Variants in KDM2A observed in about 807,000 individuals in gnomAD.
KDM2A encodes the protein lysine demethylase 2A.
Under a neutral mutation model 137.3 loss-of-function variants are expected in KDM2A, and 3 were observed. That is an observed-to-expected ratio of 0.02 (90% CI 0.01 to 0.06). KDM2A has a LOEUF of 0.06. Among genes scored for constraint, KDM2A ranks in the 10% least tolerant of loss-of-function variants. The probability of loss-of-function intolerance (pLI) is 1.00; values close to 1 mark genes in which losing one functional copy is unlikely to be tolerated. For synonymous variants in KDM2A, 512 were observed against 541.5 expected (o/e 0.95, Z 0.76); for missense variants, 738 against 1,510.6 (o/e 0.49, Z 8.48).
chr11:67,161,906 C>T (rs1425324266), intron 2 of KDM2A, among the ~76,000 whole-genome samples: 1 of 151,966 alleles, frequency 6.6e-6, no homozygotes, highest in African/African-American at 2.4e-5. Flanking sequence ...CTAGAGTTTC[C>T]TAAGGTAGTA....
At chr11:67,211,772 A>C (rs1324474222) in intron 6 of KDM2A, among the ~76,000 whole-genome samples, 2 of 151,910 alleles carry the variant, frequency 1.3e-5, no homozygotes, top group African/African-American at 4.8e-5. Context: ...TTATATCCTC[A>C]AGTTCTAACC....
rs1287281795 is a variant in KDM2A, at chr11:67,238,787, TA to T, written c.1480-4218del. On this transcript the variant is annotated intron_variant, in intron 12 of 20. Transcript: ENST00000529006. ...GGCAAGTTATACATTTGTAAGGGTC[TA>T]AAAGTCACATAAAAATCACATTGGC... 2.0e-5 allele frequency among the ~76,000 whole-genome samples: 3 copies of T among 152,348 alleles called. No individual in the cohort carries two copies. In the East Asian group the frequency reaches 5.8e-4, roughly 29 times the overall value.
chr11:67,148,806 A>G (rs993358895), intron 2 of KDM2A, among the ~76,000 whole-genome samples: 1 of 152,154 alleles, frequency 6.6e-6, no homozygotes, highest in Non-Finnish European at 1.5e-5. Context: ...CGTCTCAAAA[A>G]CAAAACAAGA....
At chr11:67,134,517 CT>C (rs910094417) in intron 2 of KDM2A, among the ~76,000 whole-genome samples, 3 of 151,378 alleles carry the variant, frequency 2.0e-5, no homozygotes, top group Non-Finnish European at 3.0e-5. Context: ...TATTTATTTA[CT>C]TTTTTTTTGA....
At chr11:67,233,284 C>T (rs1017842011) in intron 12 of KDM2A, among the ~76,000 whole-genome samples, 3 of 149,026 alleles carry the variant, frequency 2.0e-5, no homozygotes. Flanking sequence ...TTTGAGAGGC[C>T]AAGGTGGGAG....
intron 2 of KDM2A, among the ~76,000 whole-genome samples, chr11:67,141,657 A>G (rs1365605685): frequency 1.8e-5 from 2 of 110,694 alleles, no homozygotes; most frequent in African/African-American, 3.8e-5. Flanking sequence ...ACAGAATGAG[A>G]CTCGTTCCAA....
At chr11:67,199,716 C>T (rs1237941594) in intron 5 of KDM2A, among the ~76,000 whole-genome samples, 1 of 152,222 alleles carries the variant, frequency 6.6e-6, no homozygotes, top group Non-Finnish European at 1.5e-5. Context: ...CAAGGTAAAG[C>T]AGCAGCACAT....
intron 15 of KDM2A, among the ~76,000 whole-genome samples, chr11:67,247,037 TTATATATATATATATA>T (rs59101290): frequency 0.017 from 546 of 33,072 alleles, 14 homozygotes; most frequent in African/African-American, 0.055. Context: ...ATAAATTATT[TTATATATATATATATA>T]TATATATATA....
intron 2 of KDM2A, among the ~76,000 whole-genome samples, chr11:67,156,763 C>T (rs576193971): frequency 6.6e-6 from 1 of 151,662 alleles, no homozygotes; most frequent in Non-Finnish European, 1.5e-5. Context: ...GTGGCATGTG[C>T]CTGTAATCCC....
At chr11:67,225,279 A>G (rs1161238164) in intron 10 of KDM2A, among the ~76,000 whole-genome samples, 1 of 152,240 alleles carries the variant, frequency 6.6e-6, no homozygotes, top group East Asian at 1.9e-4. Context: ...TACAAAATAT[A>G]GTTATTCTTG....
chr11:67,173,113 TTTTG>T lies in KDM2A; in HGVS notation c.43-6946_43-6943del, dbSNP rs987443543. ...CTTAGGAGATCCTCCCACCTCAGTT[TTTTG>T]TTTGTTTGTTTGTTTGTTTTTCTTT... On this transcript the variant is annotated intron_variant, in intron 2 of 20. Coordinates refer to ENST00000529006, the MANE Select transcript of KDM2A (RefSeq NM_012308.3). Among the ~76,000 whole-genome samples, 38 of 151,870 alleles carry T rather than the reference TTTTG, an allele frequency of 2.5e-4. 1 individual carries two copies. Among genetic ancestry groups the T allele is most frequent in the East Asian group, 2.3e-3 (12 of 5,162 alleles).
At chr11:67,239,987 C>T (rs1420353211) in intron 12 of KDM2A, 6 of 1,180,440 alleles carry the variant, frequency 5.1e-6, no homozygotes, top group African/African-American at 1.6e-5. Flanking sequence ...TGCAGCAGAA[C>T]GGCTGGGCCC....
At chr11:67,145,988 G>GTTTTTTTTTGTTT (rs1856237737) in intron 2 of KDM2A, among the ~76,000 whole-genome samples, 2 of 131,470 alleles carry the variant, frequency 1.5e-5, no homozygotes, top group Non-Finnish European at 3.3e-5. Flanking sequence ...TTTTTGTTTT[G>GTTTTTTTTTGTTT]TTTTTTTTTG....
intron 12 of KDM2A, among the ~76,000 whole-genome samples, chr11:67,242,274 G>A (rs1264810083): frequency 7.2e-5 from 5 of 69,850 alleles, no homozygotes; most frequent in African/African-American, 3.7e-4. Flanking sequence ...CTGTGGGTGT[G>A]TGTATGTGTG....
chr11:67,204,209 A>G (rs756608567), intron 5 of KDM2A, among the ~76,000 whole-genome samples: 3 of 152,132 alleles, frequency 2.0e-5, no homozygotes, highest in African/African-American at 4.8e-5. Flanking sequence ...TTCTTTTTGC[A>G]TAGAACATTT....
chr11:67,208,263 G>A (rs1258472917), intron 6 of KDM2A, among the ~76,000 whole-genome samples: 1 of 150,808 alleles, frequency 6.6e-6, no homozygotes, highest in East Asian at 1.9e-4. Context: ...TTTAAAGACA[G>A]GGTCTCACAA....
At chr11:67,149,650 T>C (rs982023041) in intron 2 of KDM2A, among the ~76,000 whole-genome samples, 1 of 151,958 alleles carries the variant, frequency 6.6e-6, no homozygotes, top group Admixed American at 6.6e-5. Context: ...ACATGCATTT[T>C]AATTTTATAG....
At chr11:67,186,301 G>C (rs148009033) in intron 5 of KDM2A, among the ~76,000 whole-genome samples, 185 of 152,198 alleles carry the variant, frequency 1.2e-3, no homozygotes, top group African/African-American at 4.1e-3. Context: ...AATTATGAAC[G>C]AATTTCTCAT....
At chr11:67,217,952 T>G in intron 9 of KDM2A, 68 bp downstream of exon 9, 1 of 1,340,652 alleles carries the variant, frequency 7.5e-7, no homozygotes, top group African/African-American at 1.5e-5. Flanking sequence ...ATTGATGGAT[T>G]ACCACCAAGA....
Sources: allele counts gnomAD v4.1 joint callset (sites outside exome capture counted in the v4.1 genomes callset), GRCh38; gene constraint gnomAD v4.1.1; transcripts MANE v1.5; gene names NCBI Gene and HGNC (gene_info 2026-07-23, HGNC 2026-07-21).